Variants in ARHGAP24 observed in about 807,000 individuals in gnomAD.
ARHGAP24 encodes rho GTPase-activating protein 24.
ARHGAP24 carries 50 observed loss-of-function variants against 76.4 expected under a neutral mutation model. The ratio of observed to expected loss-of-function variants is 0.65; its 90% CI spans 0.52 to 0.83. The LOEUF is 0.83. Among genes scored for constraint, ARHGAP24 ranks in the 40% least tolerant of loss-of-function variants. The pLI, the probability that ARHGAP24 is intolerant of heterozygous loss-of-function variation, is 0.00. For missense variants in ARHGAP24, 930 were observed against 914.2 expected (o/e 1.02, Z -0.22); for synonymous variants, 345 against 323.3 (o/e 1.07, Z -0.72).
intron 3 of ARHGAP24, among the ~76,000 whole-genome samples, chr4:85,797,118 G>C (rs1480775875): frequency 6.6e-6 from 1 of 151,858 alleles, no homozygotes; most frequent in Non-Finnish European, 1.5e-5. Flanking sequence ...TGATGATAGA[G>C]TTTAGCATGG....
At chr4:85,848,526 T>G (rs1431002050) in intron 3 of ARHGAP24, among the ~76,000 whole-genome samples, 2 of 152,238 alleles carry the variant, frequency 1.3e-5, no homozygotes, top group African/African-American at 2.4e-5. Flanking sequence ...TTCTTTTTTA[T>G]GGCTGCATAG....
chr4:85,827,461 CGTGTGTGTGTGTGTGTGTGT>C (rs56379272), intron 3 of ARHGAP24, among the ~76,000 whole-genome samples: 111 of 108,712 alleles, frequency 1.0e-3, no homozygotes, highest in African/African-American at 1.5e-3. Flanking sequence ...GAAGTCTGCC[CGTGTGTGTGTGTGTGTGTGT>C]GTGTGTGTGT....
At chr4:85,610,114 A>G (rs929699840) in intron 2 of ARHGAP24, among the ~76,000 whole-genome samples, 4 of 152,160 alleles carry the variant, frequency 2.6e-5, no homozygotes, top group African/African-American at 9.7e-5. Context: ...GCTCAGGTCT[A>G]GCAGAGCGTT....
chr4:85,689,808 A>G (rs1723562690), intron 2 of ARHGAP24, among the ~76,000 whole-genome samples: 1 of 152,204 alleles, frequency 6.6e-6, no homozygotes, highest in Non-Finnish European at 1.5e-5. Context: ...ACAGTCCTCA[A>G]AGAGAGATAG....
At chr4:85,642,488 G>A (rs996219613) in intron 2 of ARHGAP24, among the ~76,000 whole-genome samples, 4 of 151,990 alleles carry the variant, frequency 2.6e-5, no homozygotes, top group African/African-American at 2.4e-5. Flanking sequence ...TGCTTCATCC[G>A]TAGGTTTCCT....
At chr4:85,928,332 C>T (rs535538665) in intron 4 of ARHGAP24, among the ~76,000 whole-genome samples, 2 of 151,804 alleles carry the variant, frequency 1.3e-5, no homozygotes, top group Non-Finnish European at 2.9e-5. Context: ...CCTTTCCTCC[C>T]GTCCTTCCTT....
intron 5 of ARHGAP24, among the ~76,000 whole-genome samples, chr4:85,946,092 T>A (rs1365019508): frequency 6.6e-6 from 1 of 152,134 alleles, no homozygotes; most frequent in Non-Finnish European, 1.5e-5. Context: ...CTCTTGCTTT[T>A]AAAACCATCA....
chr4:85,896,692 G>GT (rs141533940), intron 3 of ARHGAP24, among the ~76,000 whole-genome samples: 286 of 152,234 alleles, frequency 1.9e-3, no homozygotes, highest in African/African-American at 6.8e-3. Context: ...CCGTAGCAGT[G>GT]TTTCATGCTT....
chr4:85,713,008 T>G (rs138432452), intron 2 of ARHGAP24, among the ~76,000 whole-genome samples: 23 of 152,274 alleles, frequency 1.5e-4, no homozygotes, highest in African/African-American at 5.5e-4. Context: ...TTTTAAAATG[T>G]ATGTCTAGGC....
chr4:85,561,990 TTTGAACTGAGAA>T (rs1266597451), intron 1 of ARHGAP24, among the ~76,000 whole-genome samples: 3 of 152,174 alleles, frequency 2.0e-5, no homozygotes, highest in Admixed American at 1.3e-4. Context: ...TAAGGCAACA[TTTGAACTGAGAA>T]TTGAACTGAG....
At chr4:85,855,283 A>G (rs186961894) in intron 3 of ARHGAP24, among the ~76,000 whole-genome samples, 105 of 152,288 alleles carry the variant, frequency 6.9e-4, no homozygotes, top group Non-Finnish European at 1.1e-3. Context: ...TCATCCCTAA[A>G]CCGCATAAAG....
In ARHGAP24 at chr4:85,994,617, G is replaced by A; in HGVS notation, c.963G>A (p.Met321Ile). Residue 321 changes from methionine (M) to isoleucine (I), a missense_variant, in exon 9 of 10, where the codon ATG becomes ATA. Coordinates refer to ENST00000395184, the MANE Select transcript of ARHGAP24 (RefSeq NM_001025616.3). ...TVVVQQLMSVMISKHDCLFPK... is the reference protein window; with the variant it reads ...TVVVQQLMSVIISKHDCLFPK... ...TGGTCCAGCAGTTGATGTCAGTGAT[G>A]ATTAGCAAACATGATTGCCTCTTTC... is the stretch of plus-strand genomic sequence containing the variant. 2 of 1,614,150 alleles carry A rather than the reference G, an allele frequency of 1.2e-6. No individual in the cohort carries two copies. Among genetic ancestry groups the A allele is most frequent in the Non-Finnish European group, 1.7e-6 (2 of 1,180,028 alleles).
chr4:85,847,379 G>A (rs1460206929), intron 3 of ARHGAP24, among the ~76,000 whole-genome samples: 1 of 152,182 alleles, frequency 6.6e-6, no homozygotes, highest in Non-Finnish European at 1.5e-5. Context: ...GCTAGACACA[G>A]AAGATATTTA....
chr4:85,954,134 G>GA (rs1012440042), intron 5 of ARHGAP24, among the ~76,000 whole-genome samples: 14 of 152,010 alleles, frequency 9.2e-5, no homozygotes, highest in Admixed American at 1.3e-4. Context: ...AACATAACAA[G>GA]AAAAAAAGAT....
rs373441443 is a variant in ARHGAP24 at position 85,655,770 on chromosome 4, T to C, written c.181-66115T>C. On this transcript the variant is annotated intron_variant, in intron 2 of 9. Transcript: ENST00000395184. ...CTGGGTGACAGAGTGAGACTCCATA[T>C]ATATATATATATATATATATATAGA... is the stretch of plus-strand genomic sequence containing the variant. Among the ~76,000 whole-genome samples, 22 of 45,456 alleles carry C rather than the reference T, an allele frequency of 4.8e-4. No individual in the cohort carries two copies. In the East Asian group the frequency reaches 0.016, roughly 34 times the overall value. 29.8% of individuals were successfully genotyped at this position (45,456 alleles called of 152,430 possible). A position where few individuals can be genotyped will look rare whatever the true frequency, so the allele number is the denominator to read the frequency against.
chr4:85,753,502 G>A (rs923987143), intron 3 of ARHGAP24, among the ~76,000 whole-genome samples: 3 of 152,178 alleles, frequency 2.0e-5, no homozygotes, highest in African/African-American at 4.8e-5. Flanking sequence ...GTCTCTTAAT[G>A]TCAGGGTATC....
At chr4:85,648,222 T>C (rs1721800111) in intron 2 of ARHGAP24, among the ~76,000 whole-genome samples, 1 of 152,088 alleles carries the variant, frequency 6.6e-6, no homozygotes, top group Non-Finnish European at 1.5e-5. Flanking sequence ...GTAGTTTTCC[T>C]CAGTTATATC....
At chr4:85,751,194 A>G (rs539017667) in intron 3 of ARHGAP24, among the ~76,000 whole-genome samples, 31 of 152,292 alleles carry the variant, frequency 2.0e-4, no homozygotes, top group African/African-American at 7.5e-4. Flanking sequence ...CTTGTTTTTC[A>G]TTTAATTGAT....
intron 1 of ARHGAP24, among the ~76,000 whole-genome samples, chr4:85,555,399 C>T (rs1726317022): frequency 6.6e-6 from 1 of 152,144 alleles, no homozygotes. Context: ...ACAGTGTGGG[C>T]AGAAGGTGGC....
Sources: allele counts gnomAD v4.1 joint callset (sites outside exome capture counted in the v4.1 genomes callset), GRCh38; gene constraint gnomAD v4.1.1; transcripts MANE v1.5; gene names NCBI Gene and HGNC (gene_info 2026-07-23, HGNC 2026-07-21).